The following SLC9A3 variants were observed in gnomAD, a reference collection of about 807,000 sequenced individuals.
The protein encoded by SLC9A3 is solute carrier family 9 member A3.
In SLC9A3, 37 loss-of-function variants were observed where a neutral mutation model predicts 86.8. The observed-to-expected ratio is 0.43, with a 90% confidence interval of 0.33 to 0.56. SLC9A3 has a LOEUF of 0.56. Among genes scored for constraint, SLC9A3 ranks in the 20% least tolerant of loss-of-function variants. The probability of loss-of-function intolerance (pLI) is 0.06; values close to 1 mark genes in which losing one functional copy is unlikely to be tolerated. For synonymous variants in SLC9A3, 581 were observed against 528.3 expected, an observed-to-expected ratio of 1.10 and a Z score of -1.37; for missense variants, 1,011 against 1,171.9, an observed-to-expected ratio of 0.86 and a Z score of 2.00.
chr5:520,446 C>T (rs1046125916), intron 1 of SLC9A3, among the ~76,000 whole-genome samples: 2 of 152,152 alleles, frequency 1.3e-5, no homozygotes, highest in African/African-American at 4.8e-5. Context: ...AGGTCTGGCC[C>T]CTGCTGTGTC....
intron 1 of SLC9A3, among the ~76,000 whole-genome samples, chr5:513,052 A>G (rs1187144065): frequency 6.6e-6 from 1 of 152,040 alleles, no homozygotes; most frequent in East Asian, 1.9e-4. Flanking sequence ...GGGGCTGGAG[A>G]ATTGCCTCCT....
chr5:518,822 T>C (rs1304019630), intron 1 of SLC9A3, among the ~76,000 whole-genome samples: 1 of 152,044 alleles, frequency 6.6e-6, no homozygotes, highest in African/African-American at 2.4e-5. Context: ...GGGGAGCTCC[T>C]GGGGTGGCAG....
At chr5:498,461 G>A (rs12521236) in intron 1 of SLC9A3, among the ~76,000 whole-genome samples, 27,347 of 152,180 alleles carry the variant, frequency 0.18, 3,170 homozygotes, top group Non-Finnish European at 0.26. Context: ...GGAGTGCAGC[G>A]GCACCACCTC....
intron 1 of SLC9A3, among the ~76,000 whole-genome samples, chr5:514,634 C>T (rs868623558): frequency 6.6e-6 from 1 of 152,244 alleles, no homozygotes; most frequent in African/African-American, 2.4e-5. Context: ...AGCCCCGTGT[C>T]CTCTGCACCA....
In SLC9A3 at chr5:474,928, C is replaced by A. The variant is rs1206883581; in HGVS notation, c.2456G>T (p.Gly819Val). 6.2e-7 allele frequency: 1 copy of A among 1,602,448 alleles called. No homozygotes were observed. Among genetic ancestry groups the A allele is most frequent in the East Asian group, 2.3e-5 (1 of 44,392 alleles). ...GGCGGCGGGGGGCCGCTCCTCGGGG[C>A]CGTCTGCCTGCAGGAAGGAGTCCAC... is the stretch of plus-strand genomic sequence containing the variant. ...KSVDSFLQAD[G>V]PEERPPAALP... is the part of the protein sequence containing the mutation. The change falls in exon 16 of 17, where the codon GGC (glycine) becomes GTC (valine). Residue 819 changes from glycine (G) to valine (V), a missense_variant. Physicochemically the swap from Gly to Val is moderately radical, Grantham distance 109. Around this residue, in one of 3 missense-constraint regions of SLC9A3, gnomAD observed 397 missense variants for 346.3 expected, o/e 1.15. Coordinates refer to ENST00000264938, the MANE Select transcript of SLC9A3 (RefSeq NM_004174.4).
intron 1 of SLC9A3, among the ~76,000 whole-genome samples, chr5:493,392 C>T (rs1009993265): frequency 1.3e-5 from 2 of 152,242 alleles, no homozygotes; most frequent in Admixed American, 6.5e-5. Context: ...GCTGGAGGGG[C>T]GGTGGAGGCA....
At chr5:517,943 G>A (rs574264018) in intron 1 of SLC9A3, among the ~76,000 whole-genome samples, 20 of 151,006 alleles carry the variant, frequency 1.3e-4, no homozygotes, top group African/African-American at 3.9e-4. Context: ...TCATCCATTC[G>A]CTCATCCACC....
Position 497,485 on chromosome 5 carries a change from C to T in SLC9A3, c.212-5414G>A, listed in dbSNP as rs899577551. ...GACTGCTGTGAAGGACACAGTCAGC[C>T]GGACTTTGCTTAGTTCACCTGTCGG... On this transcript the variant is annotated intron_variant, in intron 1 of 16. Transcript: ENST00000264938. The surrounding 1 kb of genome is among the most constrained non-coding windows in gnomAD (Gnocchi z 5.4). Among the ~76,000 whole-genome samples, 12 of 152,158 alleles carry T rather than the reference C, an allele frequency of 7.9e-5. No homozygotes were observed. The East Asian group carries it at 1.2e-3, about 15-fold the overall frequency.
intron 2 of SLC9A3, among the ~76,000 whole-genome samples, chr5:490,280 C>T (rs1295922549): frequency 4.0e-5 from 3 of 74,432 alleles, no homozygotes; most frequent in East Asian, 3.9e-4. Flanking sequence ...TCATGAGGAG[C>T]GTTGTTGGAG....
rs1214961307 is a variant in SLC9A3, at chr5:472,767, GCCCTGAGTCCTGGCGCTCGGGAGGT to G, written c.*587_*611del. On this transcript the variant is annotated 3_prime_UTR_variant, in exon 17 of 17. Coordinates refer to ENST00000264938, the MANE Select transcript of SLC9A3 (RefSeq NM_004174.4). ...TGGGCCTGCAGCCGCTGCAGGTCGG[GCCCTGAGTCCTGGCGCTCGGGAGGT>G]CCCTGAGTCGGTCCCCGAGTCAGTC... is the stretch of plus-strand genomic sequence containing the variant. 6.8e-6 allele frequency: 4 copies of G among 585,964 alleles called. No individual in the cohort carries two copies. Among genetic ancestry groups the G allele is most frequent in the East Asian group, 3.7e-5 (1 of 27,156 alleles). 36.3% of individuals were successfully genotyped at this position (585,964 alleles called of 1,614,324 possible). A position where few individuals can be genotyped will look rare whatever the true frequency, so the allele number is the denominator to read the frequency against.
rs187196039 is a variant in SLC9A3, at chr5:474,137, G to A, written c.2501+746C>T. 2.8e-3 allele frequency among the ~76,000 whole-genome samples: 416 copies of A among 146,774 alleles called. 3 individuals carry two copies. The highest frequency in any genetic ancestry group is 0.01 in the African/African-American group (398 of 39,316). On this transcript the variant is annotated intron_variant, in intron 16 of 16. Transcript: ENST00000264938. ...GGTCCAGGGAGGAGAGAGAGCGAGC[G>A]CGCGAGGCGGAGACCTGGAGGGAGA...
At position 491,257 on chromosome 5, in the gene SLC9A3, C is replaced by T. The variant is rs1739723037; in HGVS notation, c.514+512G>A. The stretch of plus-strand genomic sequence containing the variant: ...GCACCGCACCTGGCATGTTGAGAGG[C>T]GCCAGCCACGCGTGGTCTGGGTCCG... On this transcript the variant is annotated intron_variant, in intron 2 of 16. Transcript: ENST00000264938. This position sits in a 1 kb window ranked among gnomAD's most constrained non-coding sequence, Gnocchi z 9.2. 6.6e-6 allele frequency among the ~76,000 whole-genome samples: 1 copy of T among 152,146 alleles called. No homozygotes were observed. The highest frequency in any genetic ancestry group is 2.4e-5 in the African/African-American group (1 of 41,434).
In SLC9A3 at chr5:492,051, C is replaced by G. The variant is rs1390194882; in HGVS notation, c.232G>C (p.Val78Leu). Residue 78 changes from valine (V) to leucine (L), a missense_variant, in exon 2 of 17, where the codon GTC becomes CTC. Physicochemically the swap from Val to Leu is conservative, Grantham distance 32 (BLOSUM62 1). Coordinates refer to ENST00000264938, the MANE Select transcript of SLC9A3 (RefSeq NM_004174.4). ...AKIGFHLSHKVTSVVPESALL... is the reference protein window; with the variant it reads ...AKIGFHLSHKLTSVVPESALL... Reference sequence around the variant, plus strand: ...GCGCTCTCGGGAACCACGCTGGTGACCTTGTGGGACAGGTGGAACCCTGTG... The same window carrying G: ...GCGCTCTCGGGAACCACGCTGGTGAGCTTGTGGGACAGGTGGAACCCTGTG... 6.8e-7 allele frequency: 1 copy of G among 1,477,958 alleles called. No individual in the cohort carries two copies. The highest frequency in any genetic ancestry group is 1.5e-5 in the African/African-American group (1 of 65,788). The allele number at this position is 1,477,958 out of a possible 1,614,324, so 91.6% of individuals were successfully genotyped here.
intron 1 of SLC9A3, among the ~76,000 whole-genome samples, chr5:500,388 A>AG (rs900358157): frequency 1.6e-4 from 25 of 152,176 alleles, no homozygotes; most frequent in Non-Finnish European, 1.9e-4. Flanking sequence ...CGAGAATGGA[A>AG]GGGGGGGTGG....
At position 471,776 on chromosome 5, in the gene SLC9A3, C is replaced by T. The variant is rs1407256549; in HGVS notation, c.*1603G>A. 1 of 456,502 alleles carries T rather than the reference C, an allele frequency of 2.2e-6. No homozygotes were observed. Among genetic ancestry groups the T allele is most frequent in the Non-Finnish European group, 4.4e-6 (1 of 226,932 alleles). 28.3% of individuals were successfully genotyped at this position (456,502 alleles called of 1,614,324 possible). A position where few individuals can be genotyped will look rare whatever the true frequency, so the allele number is the denominator to read the frequency against. On this transcript the variant is annotated 3_prime_UTR_variant, in exon 17 of 17. Coordinates refer to ENST00000264938, the MANE Select transcript of SLC9A3 (RefSeq NM_004174.4). The stretch of plus-strand genomic sequence containing the variant: ...CAGTGACTGCAGTTAGGGTCGAGAG[C>T]TTCTCCGAAGCAGCGGTCATGCAGG...
rs1363762647 is a variant in SLC9A3, at chr5:476,096, C to T, written c.2068-4G>A. On this transcript the variant is annotated splice_region_variant and splice_polypyrimidine_tract_variant and intron_variant, in intron 13 of 16. Coordinates refer to ENST00000264938, the MANE Select transcript of SLC9A3 (RefSeq NM_004174.4). ...CATTGGGGATGCTGCTGTTTCTCTGCGGAGCAAACGTGAAGCTGCTCACAC... is the reference window on the plus strand; with the variant it reads ...CATTGGGGATGCTGCTGTTTCTCTGTGGAGCAAACGTGAAGCTGCTCACAC... 1.4e-5 allele frequency: 22 copies of T among 1,613,044 alleles called. No homozygotes were observed. The highest frequency in any genetic ancestry group is 1.9e-5 in the Non-Finnish European group (22 of 1,179,746).
At chr5:481,657 G>C in intron 8 of SLC9A3, 22 bp from the exon 9 acceptor site, 1 of 1,607,954 alleles carries the variant, frequency 6.2e-7, no homozygotes. Flanking sequence ...AGAAAGACAT[G>C]AGCGTCTCGG....
intron 1 of SLC9A3, among the ~76,000 whole-genome samples, chr5:494,047 A>T (rs1403484702): frequency 2.6e-5 from 4 of 152,206 alleles, no homozygotes; most frequent in Non-Finnish European, 5.9e-5. Context: ...CCCCGCTCAG[A>T]GCTGGCCTGC....
Position 472,955 on chromosome 5 carries a change from C to CCGGCGGCGTCA in SLC9A3, c.*413_*423dup, listed in dbSNP as rs1738459863. ...AGCCATGGCGCGCGGACCCTTCCCG[C>CCGGCGGCGTCA]CGGCGGCGTCACAGCGGCGTCTCCT... On this transcript the variant is annotated 3_prime_UTR_variant, in exon 17 of 17. Coordinates refer to ENST00000264938, the MANE Select transcript of SLC9A3 (RefSeq NM_004174.4). 1.9e-6 allele frequency: 1 copy of CCGGCGGCGTCA among 526,770 alleles called. No individual in the cohort carries two copies. Among genetic ancestry groups the CCGGCGGCGTCA allele is most frequent in the Non-Finnish European group, 3.3e-6 (1 of 298,534 alleles). The allele number at this position is 526,770 out of a possible 1,614,324, so 32.6% of individuals were successfully genotyped here.
Sources: allele counts gnomAD v4.1 joint callset (sites outside exome capture counted in the v4.1 genomes callset), GRCh38; gene constraint gnomAD v4.1.1; regional missense constraint gnomAD v4.1.1; non-coding constraint Gnocchi (gnomAD v3.1); transcripts MANE v1.5; gene names NCBI Gene and HGNC (gene_info 2026-07-23, HGNC 2026-07-21).